DUSP22: variants seen among roughly 807,000 people sequenced by gnomAD.
DUSP22 encodes dual specificity phosphatase 22.
A neutral mutation model predicts 24.5 loss-of-function variants in DUSP22; 24 were observed. That is an observed-to-expected ratio of 0.98 (90% confidence interval 0.71 to 1.38). The LOEUF (loss-of-function observed/expected upper bound fraction) is 1.38, where lower values mean the gene tolerates loss of function less well. Among genes scored for constraint, DUSP22 ranks in the 40% most tolerant of loss-of-function variants. The pLI, the probability that DUSP22 is intolerant of heterozygous loss-of-function variation, is 0.00. For missense variants in DUSP22, 330 were observed against 269.2 expected (o/e 1.23, Z -1.58); for synonymous variants, 160 against 106.4 (o/e 1.50, Z -3.10).
intron 2 of DUSP22, 70 bp from the exon 3 acceptor site, chr6:311,810 T>TC: frequency 6.8e-7 from 1 of 1,477,786 alleles, no homozygotes; most frequent in Non-Finnish European, 9.1e-7. Flanking sequence ...TTTTTTTTTT[T>TC]CTGGCTAGAC....
At chr6:328,349 G>T (rs572453997) in intron 3 of DUSP22, among the ~76,000 whole-genome samples, 1 of 152,302 alleles carries the variant, frequency 6.6e-6, no homozygotes, top group Non-Finnish European at 1.5e-5. Context: ...AACCCAGCCC[G>T]TACTGGCTGG....
chr6:327,117 C>T (rs532003351), intron 3 of DUSP22, among the ~76,000 whole-genome samples: 20 of 152,414 alleles, frequency 1.3e-4, no homozygotes, highest in African/African-American at 4.3e-4. Flanking sequence ...AGTTCACCCA[C>T]CCTGGGCTTC....
At chr6:334,674 G>A (rs1027263661) in intron 3 of DUSP22, among the ~76,000 whole-genome samples, 4 of 152,296 alleles carry the variant, frequency 2.6e-5, no homozygotes, top group East Asian at 1.9e-4. Context: ...GTAGAAAGCT[G>A]TAATGTGACA....
At chr6:333,648 A>G (rs1759234488) in intron 3 of DUSP22, among the ~76,000 whole-genome samples, 2 of 152,302 alleles carry the variant, frequency 1.3e-5, no homozygotes, top group Non-Finnish European at 2.9e-5. Context: ...TAGATGGAGA[A>G]CAGGTTTTAG....
At chr6:326,201 G>A (rs552975150) in intron 3 of DUSP22, 1 of 219,446 alleles carries the variant, frequency 4.6e-6, no homozygotes, top group Admixed American at 6.7e-5. Flanking sequence ...AGAGTCATCT[G>A]CCCTGGGCTT....
intron 1 of DUSP22, among the ~76,000 whole-genome samples, chr6:292,899 C>G (rs1159187465): frequency 6.6e-6 from 1 of 152,292 alleles, no homozygotes; most frequent in Non-Finnish European, 1.5e-5. Context: ...TTCTTTTTTG[C>G]CCTCCTCTTC....
intron 1 of DUSP22, among the ~76,000 whole-genome samples, chr6:294,561 T>C (rs554076499): frequency 1.2e-4 from 19 of 152,412 alleles, no homozygotes; most frequent in African/African-American, 3.4e-4. Flanking sequence ...TGTTTCAACA[T>C]GTAACCAATA....
At chr6:294,032 C>T (rs1016907930) in intron 1 of DUSP22, among the ~76,000 whole-genome samples, 11 of 152,266 alleles carry the variant, frequency 7.2e-5, no homozygotes, top group African/African-American at 2.4e-4. Context: ...CTAGTTTTCC[C>T]ACTTGAGCTG....
At chr6:340,060 T>A (rs1205428824) in intron 4 of DUSP22, among the ~76,000 whole-genome samples, 2 of 152,308 alleles carry the variant, frequency 1.3e-5, no homozygotes, top group African/African-American at 4.8e-5. Flanking sequence ...TTAGATTATG[T>A]CCTTCTTTTT....
intron 1 of DUSP22, among the ~76,000 whole-genome samples, chr6:303,625 T>G (rs375897523): frequency 1.1e-3 from 166 of 152,360 alleles, no homozygotes; most frequent in African/African-American, 3.7e-3. Context: ...GGATCTGTGG[T>G]GAAGCGTCAC....
At chr6:337,328 T>C (rs973834719) in intron 4 of DUSP22, 1 of 152,510 alleles carries the variant, frequency 6.6e-6, no homozygotes, top group South Asian at 2.1e-4. Context: ...GGCAAGGGCA[T>C]GTATGTGAAG....
intron 1 of DUSP22, among the ~76,000 whole-genome samples, chr6:295,411 T>C (rs890125115): frequency 5.9e-5 from 9 of 152,370 alleles, no homozygotes; most frequent in African/African-American, 2.2e-4. Context: ...TTCCGTTAGG[T>C]GTACGCAGCA....
intron 4 of DUSP22, among the ~76,000 whole-genome samples, chr6:336,798 T>C (rs954780904): frequency 1.3e-5 from 2 of 152,310 alleles, no homozygotes; most frequent in Non-Finnish European, 2.9e-5. Context: ...ATTAGAGAAC[T>C]TCCTTGGTTA....
At chr6:298,788 AT>A (rs1443998224) in intron 1 of DUSP22, among the ~76,000 whole-genome samples, 1 of 152,308 alleles carries the variant, frequency 6.6e-6, no homozygotes, top group Non-Finnish European at 1.5e-5. Flanking sequence ...GTCACCGTTT[AT>A]TCAGACTTCC....
At chr6:302,861 G>GCT (rs1757648139) in intron 1 of DUSP22, among the ~76,000 whole-genome samples, 1 of 152,310 alleles carries the variant, frequency 6.6e-6, no homozygotes, top group Non-Finnish European at 1.5e-5. Context: ...GAAAGCCAAG[G>GCT]GCAGGGTGAG....
intron 2 of DUSP22, among the ~76,000 whole-genome samples, chr6:310,328 G>A (rs915143126): frequency 2.0e-5 from 3 of 152,304 alleles, no homozygotes; most frequent in Non-Finnish European, 4.4e-5. Flanking sequence ...TGGGATGGGG[G>A]TGTAGGGAAG....
chr6:329,838 T>G (rs1759061125), intron 3 of DUSP22, among the ~76,000 whole-genome samples: 1 of 152,298 alleles, frequency 6.6e-6, no homozygotes, highest in Admixed American at 6.5e-5. Flanking sequence ...CTGTGTGTGT[T>G]TCTCATCATA....
chr6:334,877 T>C (rs1759292963), intron 3 of DUSP22, among the ~76,000 whole-genome samples: 1 of 152,428 alleles, frequency 6.6e-6, no homozygotes, highest in Non-Finnish European at 1.5e-5. Flanking sequence ...CTTTGAATTT[T>C]GCCTAAACCT....
At chr6:302,839 C>G (rs1454616253) in intron 1 of DUSP22, among the ~76,000 whole-genome samples, 1 of 152,298 alleles carries the variant, frequency 6.6e-6, no homozygotes, top group Admixed American at 6.5e-5. Flanking sequence ...ATGGCAGGAA[C>G]AAGGGTGGAT....
Sources: gnomAD v4.1 joint callset for allele counts (sites outside exome capture counted in the v4.1 genomes callset) on GRCh38, gnomAD v4.1.1 for gene constraint, MANE v1.5 for transcripts, NCBI Gene and HGNC (gene_info 2026-07-23, HGNC 2026-07-21) for gene names.